The following PCDHA9 variants were observed in gnomAD, a reference collection of about 807,000 sequenced individuals.
The protein encoded by PCDHA9 is protocadherin alpha-9.
In PCDHA9, 62 loss-of-function variants were observed where a neutral mutation model predicts 62.0. The ratio of observed to expected loss-of-function variants is 1.00; its 90% confidence interval spans 0.81 to 1.23. The LOEUF is 1.23. PCDHA9 is among the 50% of genes most tolerant of loss of function. The pLI, the probability that PCDHA9 is intolerant of heterozygous loss-of-function variation, is 0.00. For synonymous variants in PCDHA9, 557 were observed against 567.6 expected (o/e 0.98, Z 0.27); for missense variants, 1,205 against 1,249.8 (o/e 0.96, Z 0.54).
intron 1 of PCDHA9, chr5:140,863,201 C>T (rs782647654): frequency 2.2e-5 from 20 of 925,678 alleles, no homozygotes; most frequent in South Asian, 1.0e-4. Context: ...GCGTCGCTGG[C>T]GGAGAGCAGC....
At chr5:140,874,427 A>T (rs2054903457) in intron 1 of PCDHA9, among the ~76,000 whole-genome samples, 1 of 152,212 alleles carries the variant, frequency 6.6e-6, no homozygotes, top group African/African-American at 2.4e-5. Context: ...TTCTGAAGAG[A>T]AGCATGTCCT....
chr5:140,869,200 T>C, intron 1 of PCDHA9: 1 of 1,614,000 alleles, frequency 6.2e-7, no homozygotes, highest in East Asian at 2.2e-5. Flanking sequence ...CCAGCTCCAC[T>C]ACTCCGTCTC....
chr5:140,867,395 T>C (rs1319055963), intron 1 of PCDHA9: 1 of 152,176 alleles, frequency 6.6e-6, no homozygotes, highest in Admixed American at 6.5e-5. Context: ...TTATAAAAGT[T>C]GATATGTCTC....
intron 1 of PCDHA9, chr5:140,968,791 C>G (rs2096270570): frequency 2.5e-6 from 4 of 1,614,076 alleles, no homozygotes; most frequent in Non-Finnish European, 3.4e-6. Flanking sequence ...CCTCTGTGGC[C>G]ATTACAGTAG....
chr5:140,999,775 A>T (rs2097875590), intron 3 of PCDHA9, among the ~76,000 whole-genome samples: 1 of 152,178 alleles, frequency 6.6e-6, no homozygotes, highest in African/African-American at 2.4e-5. Context: ...TATACTCTTA[A>T]CCTAGAAATG....
chr5:140,919,933 T>C (rs2153555434), intron 1 of PCDHA9, among the ~76,000 whole-genome samples: 1 of 152,222 alleles, frequency 6.6e-6, no homozygotes. Flanking sequence ...AGGTGGGGGC[T>C]AATTCCAGTG....
chr5:140,968,195 T>C, intron 1 of PCDHA9: 1 of 1,614,076 alleles, frequency 6.2e-7, no homozygotes, highest in East Asian at 2.2e-5. Context: ...CTATTCCATC[T>C]ACATACAGGA....
At chr5:140,902,301 G>A (rs943083254) in intron 1 of PCDHA9, among the ~76,000 whole-genome samples, 1 of 149,570 alleles carries the variant, frequency 6.7e-6, no homozygotes, top group African/African-American at 2.5e-5. Context: ...GCCTCCCAAA[G>A]TGCTGGGATT....
chr5:140,905,771 G>A lies in PCDHA9; in HGVS notation c.2394+54882G>A, dbSNP rs112500166. ...TCACCTCCTTGGTTAAGTATATTCC[G>A]AAGTGTATTAGTCAGGGTTCTCTAG... is the stretch of plus-strand genomic sequence containing the variant. On this transcript the variant is annotated intron_variant, in intron 1 of 3. Coordinates refer to ENST00000532602, the MANE Select transcript of PCDHA9 (RefSeq NM_031857.2). Among the ~76,000 whole-genome samples the A allele has an allele frequency of 4.4e-3, 670 of 152,104 alleles. 7 individuals are homozygous for A. Among genetic ancestry groups the A allele is most frequent in the African/African-American group, 0.015 (623 of 41,484 alleles).
intron 1 of PCDHA9, chr5:140,883,650 C>A: frequency 6.2e-7 from 1 of 1,613,572 alleles, no homozygotes; most frequent in East Asian, 2.2e-5. Flanking sequence ...CCCGAGTACA[C>A]GGTGTTCGTG....
Position 140,915,626 on chromosome 5 carries a change from G to GTCTCTCTC in PCDHA9, c.2395-63300_2395-63293dup, listed in dbSNP as rs57920489. Among the ~76,000 whole-genome samples the GTCTCTCTC allele has an allele frequency of 4.4e-3, 648 of 146,532 alleles. 6 individuals carry two copies. Among genetic ancestry groups the GTCTCTCTC allele is most frequent in the East Asian group, 0.011 (51 of 4,846 alleles). Reference sequence around the variant, plus strand: ...ACTTTCTGTCAAACAGTCTCTTTCTGTCTCTCTCTCTCTCTCTCTCTCTCT... The same window carrying GTCTCTCTC: ...ACTTTCTGTCAAACAGTCTCTTTCTGTCTCTCTCTCTCTCTCTCTCTCTCTCTCTCTCT... On this transcript the variant is annotated intron_variant, in intron 1 of 3. Transcript: ENST00000532602.
At chr5:140,976,833 C>T (rs2096733011) in intron 1 of PCDHA9, among the ~76,000 whole-genome samples, 1 of 152,140 alleles carries the variant, frequency 6.6e-6, no homozygotes, top group Non-Finnish European at 1.5e-5. Flanking sequence ...ATGAGCAAAA[C>T]AGATATAATC....
intron 1 of PCDHA9, chr5:140,968,253 C>T: frequency 6.2e-7 from 1 of 1,614,026 alleles, no homozygotes; most frequent in Non-Finnish European, 8.5e-7. Context: ...GCCACAGACC[C>T]AGATGAAAAG....
chr5:140,876,761 G>C (rs1554168887), intron 1 of PCDHA9: 2 of 1,614,238 alleles, frequency 1.2e-6, no homozygotes, highest in East Asian at 2.2e-5. Context: ...GCGCGGGATG[G>C]GGGCTCGCCT....
chr5:140,904,162 A>G (rs1554191325), intron 1 of PCDHA9, among the ~76,000 whole-genome samples: 1 of 152,028 alleles, frequency 6.6e-6, no homozygotes, highest in Non-Finnish European at 1.5e-5. Context: ...CCCAGTTTGT[A>G]GTCTTTTATT....
intron 1 of PCDHA9, chr5:140,863,094 G>A (rs782437357): frequency 8.7e-6 from 5 of 576,444 alleles, no homozygotes; most frequent in African/African-American, 3.7e-5. Flanking sequence ...TCAGCACGAC[G>A]AGTACCCTGG....
Position 140,850,249 on chromosome 5 carries a change from T to TGGGC in PCDHA9, c.1756_1759dup (p.Ala587GlyfsTer124). ...GTGAGCGAGATGGTGCTGCGGTCGG[T>TGGGC]GGGCGCCGGCGTAGTGGTGGGGAAG... On this transcript the variant is annotated frameshift_variant, in exon 1 of 4. Coordinates refer to ENST00000532602, the MANE Select transcript of PCDHA9 (RefSeq NM_031857.2). LOFTEE classifies it high-confidence loss of function. 1 of 1,593,502 alleles carries TGGGC rather than the reference T, an allele frequency of 6.3e-7. No homozygotes were observed. Among genetic ancestry groups the TGGGC allele is most frequent in the Non-Finnish European group, 8.6e-7 (1 of 1,167,018 alleles).
chr5:140,869,964 T>A (rs546576795), intron 1 of PCDHA9: 1 of 1,613,046 alleles, frequency 6.2e-7, no homozygotes, highest in African/African-American at 1.3e-5. Context: ...TTAAGCCCAA[T>A]GGAAGACACT....
At chr5:140,857,761 C>T in intron 1 of PCDHA9, 1 of 1,597,214 alleles carries the variant, frequency 6.3e-7, no homozygotes. Flanking sequence ...CCGCTGGCAG[C>T]GCGGGCGGTG....
Sources: allele counts gnomAD v4.1 joint callset (sites outside exome capture counted in the v4.1 genomes callset), GRCh38; gene constraint gnomAD v4.1.1; transcripts MANE v1.5; gene names NCBI Gene and HGNC (gene_info 2026-07-23, HGNC 2026-07-21).